PTPRR: variants seen among roughly 807,000 people sequenced by gnomAD.
The protein encoded by PTPRR is receptor-type tyrosine-protein phosphatase R.
In PTPRR, 38 loss-of-function variants were observed where a neutral mutation model predicts 77.2. That is an observed-to-expected ratio of 0.49 (90% CI 0.38 to 0.65). The LOEUF is 0.65. Ranked by LOEUF, PTPRR falls within the 30% of genes least tolerant of loss-of-function variation. PTPRR has a pLI of 0.00. For synonymous variants in PTPRR, 299 were observed against 283.1 expected (o/e 1.06, Z -0.57); for missense variants, 744 against 799.2 (o/e 0.93, Z 0.83).
chr12:70,801,694 C>T (rs1170000311), intron 2 of PTPRR, among the ~76,000 whole-genome samples: 1 of 152,060 alleles, frequency 6.6e-6, no homozygotes, highest in Admixed American at 6.6e-5. Context: ...GACTGCAGAC[C>T]TTGGGACTTC....
chr12:70,870,513 T>C (rs1356787946), intron 2 of PTPRR, among the ~76,000 whole-genome samples: 1 of 152,220 alleles, frequency 6.6e-6, no homozygotes, highest in East Asian at 1.9e-4. Context: ...TCAATGGGAA[T>C]GACAACAAAA....
intron 6 of PTPRR, among the ~76,000 whole-genome samples, chr12:70,723,161 T>A (rs1487045246): frequency 6.6e-6 from 1 of 152,134 alleles, no homozygotes; most frequent in Non-Finnish European, 1.5e-5. Context: ...GGGTTTCCTG[T>A]CACCTTGGGA....
At position 70,746,023 on chromosome 12, in the gene PTPRR, C is replaced by T. The variant is rs888943849; in HGVS notation, c.802G>A (p.Glu268Lys). The T allele has an allele frequency of 1.9e-6, 3 of 1,613,628 alleles. No individual in the cohort carries two copies. Among genetic ancestry groups the T allele is most frequent in the Non-Finnish European group, 2.5e-6 (3 of 1,179,682 alleles). ...AATGTGATGGGCGATAGGTGGATCT[C>T]CTGGTTTTTCTCTTTGTCTTGTCTT... Reference protein sequence around the residue: ...SLRQDKEKNQEIHLSPITLQP... With the variant: ...SLRQDKEKNQKIHLSPITLQP... The change falls in exon 6 of 14, where the codon GAG becomes AAG. Residue 268 changes from glutamate to lysine, a missense_variant. Transcript: ENST00000283228.
chr12:70,824,171 A>G (rs1355033699), intron 2 of PTPRR, among the ~76,000 whole-genome samples: 2 of 152,142 alleles, frequency 1.3e-5, no homozygotes, highest in African/African-American at 4.8e-5. Flanking sequence ...TAGTCCTTAC[A>G]CAGCAGCTCA....
chr12:70,864,546 T>A (rs1892807466), intron 2 of PTPRR, among the ~76,000 whole-genome samples: 1 of 152,206 alleles, frequency 6.6e-6, no homozygotes, highest in African/African-American at 2.4e-5. Flanking sequence ...GCTATCATTA[T>A]AAATACCATC....
At chr12:70,896,702 A>C (rs1184062607) in intron 1 of PTPRR, among the ~76,000 whole-genome samples, 1 of 151,868 alleles carries the variant, frequency 6.6e-6, no homozygotes, top group Non-Finnish European at 1.5e-5. Context: ...CATATCCTGA[A>C]TGGTATTGCC....
chr12:70,872,407 C>T (rs114412472), intron 2 of PTPRR, among the ~76,000 whole-genome samples: 3 of 151,974 alleles, frequency 2.0e-5, no homozygotes, highest in African/African-American at 7.2e-5. Context: ...ACAGAATCCA[C>T]CAAGTCAGCC....
intron 2 of PTPRR, among the ~76,000 whole-genome samples, chr12:70,793,384 T>A (rs554185602): frequency 6.6e-6 from 1 of 152,224 alleles, no homozygotes; most frequent in Non-Finnish European, 1.5e-5. Context: ...TTATCATTTT[T>A]AATCTTGTAC....
At chr12:70,883,851 C>T (rs1033883346) in intron 2 of PTPRR, among the ~76,000 whole-genome samples, 1 of 152,188 alleles carries the variant, frequency 6.6e-6, no homozygotes, top group Non-Finnish European at 1.5e-5. Context: ...AGAATTTATA[C>T]AATGAAGCTC....
chr12:70,895,796 C>T (rs1289047699), intron 1 of PTPRR, among the ~76,000 whole-genome samples: 2 of 151,678 alleles, frequency 1.3e-5, no homozygotes, highest in African/African-American at 4.8e-5. Context: ...TTTCTATCCT[C>T]AAATGCTACC....
At chr12:70,798,827 C>CTT in intron 2 of PTPRR, among the ~76,000 whole-genome samples, 1 of 142,162 alleles carries the variant, frequency 7.0e-6, no homozygotes, top group East Asian at 2.3e-4. Flanking sequence ...CTAATAACCC[C>CTT]ATTTGTGTGG....
Position 70,892,957 on chromosome 12 carries a change from C to T in PTPRR, c.79G>A (p.Asp27Asn), listed in dbSNP as rs753337673. The T allele has an allele frequency of 1.9e-6, 3 of 1,612,614 alleles. No individual in the cohort carries two copies. The highest frequency in any genetic ancestry group is 2.2e-5 in the East Asian group (1 of 44,848). The change falls in exon 2 of 14, where the codon GAT becomes AAT. Residue 27 changes from aspartate (D) to asparagine (N), a missense_variant. This residue lies in a region of PTPRR where 570 missense variants were observed against 573.2 expected (regional missense o/e 0.99). Coordinates refer to ENST00000283228, the MANE Select transcript of PTPRR (RefSeq NM_002849.4). Reference sequence around the variant, plus strand: ...TTCTGATTAATTGCCAAAAAATGATCATTGTTTCCTGAAAAGCACCCTGAA... The same window carrying T: ...TTCTGATTAATTGCCAAAAAATGATTATTGTTTCCTGAAAAGCACCCTGAA... ...HAAGCFSGNN[D>N]HFLAINQKKS...
intron 10 of PTPRR, chr12:70,672,515 A>G: frequency 8.0e-7 from 1 of 1,249,508 alleles, no homozygotes; most frequent in Admixed American, 1.7e-5. Flanking sequence ...CAAATGAGAC[A>G]TGATGGGAAA....
At chr12:70,859,104 A>T (rs2137076820) in intron 2 of PTPRR, among the ~76,000 whole-genome samples, 1 of 152,200 alleles carries the variant, frequency 6.6e-6, no homozygotes, top group South Asian at 2.1e-4. Flanking sequence ...CAGTTCTGAC[A>T]TCTAAATAGA....
At chr12:70,644,619 T>C (rs4761226) in intron 13 of PTPRR, among the ~76,000 whole-genome samples, 21,326 of 152,212 alleles carry the variant, frequency 0.14, 2,398 homozygotes, top group East Asian at 0.52. Context: ...TTAACATGTT[T>C]AGCACATAGC....
chr12:70,830,025 T>A (rs1351631352), intron 2 of PTPRR, among the ~76,000 whole-genome samples: 1 of 152,094 alleles, frequency 6.6e-6, no homozygotes, highest in Non-Finnish European at 1.5e-5. Context: ...GGTCTTAGAG[T>A]TTGGCTCTAG....
intron 10 of PTPRR, among the ~76,000 whole-genome samples, chr12:70,669,559 TACACACACACAC>T (rs566522694): frequency 7.1e-6 from 1 of 141,726 alleles, no homozygotes; most frequent in Non-Finnish European, 1.5e-5. Flanking sequence ...ATATATGTTA[TACACACACACAC>T]ACACACACAC....
chr12:70,757,963 G>A (rs1459950968), intron 4 of PTPRR, among the ~76,000 whole-genome samples: 2 of 152,168 alleles, frequency 1.3e-5, no homozygotes, highest in African/African-American at 4.8e-5. Flanking sequence ...GGCTTCTTTA[G>A]GTTGTATCTG....
At chr12:70,806,130 A>G (rs1326838514) in intron 2 of PTPRR, among the ~76,000 whole-genome samples, 2 of 152,206 alleles carry the variant, frequency 1.3e-5, no homozygotes, top group Non-Finnish European at 2.9e-5. Context: ...TGTCTTCAGG[A>G]GGGAACAGGG....
Sources: gnomAD v4.1 joint callset for allele counts (sites outside exome capture counted in the v4.1 genomes callset) on GRCh38, gnomAD v4.1.1 for gene constraint, gnomAD v4.1.1 regional missense constraint, MANE v1.5 for transcripts, NCBI Gene and HGNC (gene_info 2026-07-23, HGNC 2026-07-21) for gene names.